The following COX7B2 variants were observed in gnomAD, a reference collection of about 807,000 sequenced individuals.
COX7B2 encodes the protein cytochrome c oxidase subunit 7B2, also known as cytochrome c oxidase subunit 7B2, mitochondrial.
For synonymous variants in COX7B2, 37 were observed against 32.1 expected (o/e 1.15, Z -0.51); for missense variants, 109 against 95.9 (o/e 1.14, Z -0.57).
Position 46,791,304 on chromosome 4 carries a change from C to T in COX7B2, c.-50+53656G>A, listed in dbSNP as rs1161738586. ...GATTACAGGCGTGAGCCACCGTGCC[C>T]AGCAACAGTAACCCACATTTTTAAG... On this transcript the variant is annotated intron_variant, in intron 2 of 2. Transcript: ENST00000355591. Among the ~76,000 whole-genome samples, 12 of 152,086 alleles carry T rather than the reference C, an allele frequency of 7.9e-5. 1 individual carries two copies. The highest frequency in any genetic ancestry group is 3.9e-4 in the Admixed American group (6 of 15,274).
At chr4:46,804,580 C>G (rs1263042750) in intron 2 of COX7B2, among the ~76,000 whole-genome samples, 1 of 152,196 alleles carries the variant, frequency 6.6e-6, no homozygotes, top group Non-Finnish European at 1.5e-5. Flanking sequence ...GCTAGAGTAG[C>G]TAGAGTAGCT....
Position 46,807,967 on chromosome 4 carries a change from A to G in COX7B2, c.-50+36993T>C, listed in dbSNP as rs573520991. ...TAAATCAGGAAATATGATGCTACCA[A>G]CTTTGTTTTTCTTTCTCAGAATTGC... is the stretch of plus-strand genomic sequence containing the variant. On this transcript the variant is annotated intron_variant, in intron 2 of 2. Coordinates refer to ENST00000355591, the MANE Select transcript of COX7B2 (RefSeq NM_130902.3). 2.0e-5 allele frequency among the ~76,000 whole-genome samples: 3 copies of G among 151,782 alleles called. No individual in the cohort carries two copies. In the East Asian group the frequency reaches 5.8e-4, roughly 29 times the overall value.
intron 1 of COX7B2, among the ~76,000 whole-genome samples, chr4:46,867,717 G>C (rs76848041): frequency 9.8e-4 from 149 of 152,262 alleles, no homozygotes; most frequent in African/African-American, 3.5e-3. Flanking sequence ...TGCATCCCAG[G>C]GAAGCCTACT....
chr4:46,746,970 G>C (rs1010415506), intron 2 of COX7B2, among the ~76,000 whole-genome samples: 2 of 152,056 alleles, frequency 1.3e-5, no homozygotes, highest in Non-Finnish European at 2.9e-5. Flanking sequence ...TAATGATAAG[G>C]TTTCAATGTG....
intron 1 of COX7B2, among the ~76,000 whole-genome samples, chr4:46,871,583 G>T (rs1314650848): frequency 6.6e-6 from 1 of 151,440 alleles, no homozygotes; most frequent in Non-Finnish European, 1.5e-5. Flanking sequence ...TGCAAACTAT[G>T]CATCTGACAA....
At chr4:46,746,644 A>T (rs1018252001) in intron 2 of COX7B2, among the ~76,000 whole-genome samples, 4 of 152,226 alleles carry the variant, frequency 2.6e-5, no homozygotes, top group African/African-American at 9.6e-5. Flanking sequence ...AGTTTCATAT[A>T]AGTGTGATAC....
intron 1 of COX7B2, among the ~76,000 whole-genome samples, chr4:46,908,526 T>C (rs1459078347): frequency 1.3e-5 from 2 of 152,144 alleles, no homozygotes; most frequent in Non-Finnish European, 2.9e-5. Context: ...ATATGATCGG[T>C]ACCTAGACCA....
chr4:46,783,960 A>G (rs1717615400), intron 2 of COX7B2, among the ~76,000 whole-genome samples: 1 of 152,192 alleles, frequency 6.6e-6, no homozygotes, highest in Non-Finnish European at 1.5e-5. Context: ...GTCTTTTGGC[A>G]GATGACATGA....
chr4:46,909,059 A>T (rs80183181), intron 1 of COX7B2, 101 bp downstream of exon 1: 36,969 of 151,730 alleles, frequency 0.24, 4,683 homozygotes, highest in East Asian at 0.29. Context: ...AAAAAAAAAA[A>T]TTTCAAAATA....
chr4:46,828,395 T>A (rs1170582706), intron 2 of COX7B2, among the ~76,000 whole-genome samples: 1 of 152,056 alleles, frequency 6.6e-6, no homozygotes, highest in Non-Finnish European at 1.5e-5. Flanking sequence ...TTAACAAAAT[T>A]CAGAAAGTTG....
chr4:46,746,872 A>C (rs1283574945), intron 2 of COX7B2, among the ~76,000 whole-genome samples: 1 of 152,198 alleles, frequency 6.6e-6, no homozygotes, highest in Non-Finnish European at 1.5e-5. Flanking sequence ...CTATTATGTG[A>C]CTACAGCCTA....
chr4:46,884,900 T>C (rs983647877), intron 1 of COX7B2, among the ~76,000 whole-genome samples: 1 of 151,962 alleles, frequency 6.6e-6, no homozygotes, highest in Non-Finnish European at 1.5e-5. Flanking sequence ...TTTTTTATTA[T>C]GCTAGCATTT....
At chr4:46,835,581 A>C (rs1336052072) in intron 2 of COX7B2, among the ~76,000 whole-genome samples, 1 of 152,120 alleles carries the variant, frequency 6.6e-6, no homozygotes, top group Non-Finnish European at 1.5e-5. Flanking sequence ...AATGGAAAAA[A>C]CTGCGTAAGA....
rs575938897 is a variant in COX7B2 at position 46,771,644 on chromosome 4, A to G, written c.-49-36403T>C. On this transcript the variant is annotated intron_variant, in intron 2 of 2. Coordinates refer to ENST00000355591, the MANE Select transcript of COX7B2 (RefSeq NM_130902.3). Reference sequence around the variant, plus strand: ...ATTCTCCAAAATCCAAAACTTTTTGAGTGCCAACATCATACTCAAAGGAAA... The same window carrying G: ...ATTCTCCAAAATCCAAAACTTTTTGGGTGCCAACATCATACTCAAAGGAAA... Among the ~76,000 whole-genome samples the G allele has an allele frequency of 9.2e-5, 14 of 152,172 alleles. No individual in the cohort carries two copies. In the South Asian group the frequency reaches 2.9e-3, roughly 32 times the overall value.
At chr4:46,849,068 C>T (rs1160947734) in intron 1 of COX7B2, among the ~76,000 whole-genome samples, 1 of 151,972 alleles carries the variant, frequency 6.6e-6, no homozygotes, top group South Asian at 2.1e-4. Flanking sequence ...GCAATTCTTT[C>T]CCCAAATATT....
intron 2 of COX7B2, among the ~76,000 whole-genome samples, chr4:46,782,516 G>A (rs749698675): frequency 1.0e-4 from 15 of 147,000 alleles, no homozygotes; most frequent in Admixed American, 4.8e-4. Context: ...AGGATGTTGG[G>A]GGCGGGGGTC....
chr4:46,817,613 A>G (rs1382068236), intron 2 of COX7B2, among the ~76,000 whole-genome samples: 2 of 152,218 alleles, frequency 1.3e-5, no homozygotes, highest in African/African-American at 4.8e-5. Context: ...TCATAATCCT[A>G]GGTCACAAAG....
At chr4:46,892,902 T>C (rs1020387623) in intron 1 of COX7B2, among the ~76,000 whole-genome samples, 3 of 152,200 alleles carry the variant, frequency 2.0e-5, no homozygotes, top group Admixed American at 6.5e-5. Context: ...ATTCTCATGA[T>C]AGTAAGTTCT....
chr4:46,743,926 T>A (rs532942514), intron 2 of COX7B2, among the ~76,000 whole-genome samples: 2 of 152,320 alleles, frequency 1.3e-5, no homozygotes, highest in African/African-American at 4.8e-5. Flanking sequence ...CATTTCCTTG[T>A]GGGAACTTTT....
Sources: allele counts gnomAD v4.1 joint callset (sites outside exome capture counted in the v4.1 genomes callset), GRCh38; gene constraint gnomAD v4.1.1; transcripts MANE v1.5; gene names NCBI Gene and HGNC (gene_info 2026-07-23, HGNC 2026-07-21).